Variants in ROBO2 observed in about 807,000 individuals in gnomAD.
ROBO2 encodes the protein roundabout guidance receptor 2, also known as roundabout homolog 2.
ROBO2 carries 53 observed loss-of-function variants against 160.8 expected under a neutral mutation model. That is an observed-to-expected ratio of 0.33 (90% CI 0.26 to 0.41). The LOEUF is 0.41. Ranked by LOEUF, ROBO2 falls within the 10% of genes least tolerant of loss-of-function variation. The probability of loss-of-function intolerance (pLI) is 1.00; values close to 1 mark genes in which losing one functional copy is unlikely to be tolerated. For synonymous variants in ROBO2, 664 were observed against 611.7 expected (o/e 1.09, Z -1.26); for missense variants, 1,577 against 1,722.4 (o/e 0.92, Z 1.49).
chr3:77,196,548 T>G (rs1053559553), intron 2 of ROBO2, among the ~76,000 whole-genome samples: 1 of 152,112 alleles, frequency 6.6e-6, no homozygotes, highest in East Asian at 1.9e-4. Flanking sequence ...TATGTTTTGC[T>G]CTTTTATACT....
At chr3:77,009,271 A>C (rs1024032838) in intron 2 of ROBO2, among the ~76,000 whole-genome samples, 2 of 152,206 alleles carry the variant, frequency 1.3e-5, no homozygotes, top group Non-Finnish European at 2.9e-5. Flanking sequence ...AACTTACTGA[A>C]ATACTGAGAA....
chr3:77,589,126 G>GTT (rs1156761211), intron 17 of ROBO2, among the ~76,000 whole-genome samples, 193 bp downstream of exon 18: 1 of 152,082 alleles, frequency 6.6e-6, no homozygotes, highest in African/African-American at 2.4e-5. Context: ...AAGGCAGTCT[G>GTT]TTTGCTTGTA....
chr3:76,841,796 T>C (rs1355405643), intron 2 of ROBO2, among the ~76,000 whole-genome samples: 1 of 152,110 alleles, frequency 6.6e-6, no homozygotes, highest in Non-Finnish European at 1.5e-5. Context: ...AATATTCTCT[T>C]AAGGAGAATT....
intron 2 of ROBO2, among the ~76,000 whole-genome samples, chr3:77,464,966 G>T (rs1369191143): frequency 2.0e-5 from 3 of 152,130 alleles, no homozygotes; most frequent in African/African-American, 4.8e-5. Context: ...TATAACATTT[G>T]AGTATTTAGT....
At chr3:77,275,684 T>A (rs1361114543) in intron 2 of ROBO2, among the ~76,000 whole-genome samples, 1 of 152,164 alleles carries the variant, frequency 6.6e-6, no homozygotes, top group Non-Finnish European at 1.5e-5. Flanking sequence ...AGTTGCAGTA[T>A]CCAAATTGTG....
chr3:75,950,590 A>G (rs1948497623), intron 2 of ROBO2, among the ~76,000 whole-genome samples: 4 of 151,632 alleles, frequency 2.6e-5, no homozygotes, highest in Admixed American at 2.6e-4. Context: ...TGAGTACAGC[A>G]GGTCTTTGAA....
intron 9 of ROBO2, among the ~76,000 whole-genome samples, chr3:77,558,489 C>G (rs1345635905): frequency 6.6e-6 from 1 of 152,032 alleles, no homozygotes; most frequent in Non-Finnish European, 1.5e-5. Context: ...TTCTGATTTA[C>G]TTTCATTCGC....
intron 2 of ROBO2, among the ~76,000 whole-genome samples, chr3:76,313,817 A>G (rs1039222058): frequency 2.6e-5 from 4 of 152,032 alleles, no homozygotes; most frequent in African/African-American, 9.7e-5. Flanking sequence ...GTCAACCTCC[A>G]TATGGCAACC....
intron 2 of ROBO2, among the ~76,000 whole-genome samples, chr3:76,502,484 C>T (rs1429718853): frequency 1.3e-5 from 2 of 152,180 alleles, no homozygotes; most frequent in South Asian, 2.1e-4. Context: ...AAGTGCTCCA[C>T]TGATATAAAT....
At position 76,188,781 on chromosome 3, in the gene ROBO2, A is replaced by T. The variant is rs532244802; in HGVS notation, c.109+251179A>T. On this transcript the variant is annotated intron_variant, in intron 2 of 26. Coordinates refer to the ROBO2 transcript ENST00000487694. ...GTGGTTTCCTTTTCTGCAGTCAAGG[A>T]CCAAGCTTTCCATGTTCACACTCAT... is the stretch of plus-strand genomic sequence containing the variant. Among the ~76,000 whole-genome samples the T allele has an allele frequency of 7.6e-4, 116 of 152,214 alleles. 1 individual carries two copies. The Middle Eastern group carries it at 0.017, about 22-fold the overall frequency.
rs932877503 is a variant in ROBO2 at position 76,757,532 on chromosome 3, G to A, written c.110-340482G>A. The stretch of plus-strand genomic sequence containing the variant: ...GCCCTGACCTGACTTGGACTTCTCA[G>A]AAATATCACAGTGTTAAGAATAATC... On this transcript the variant is annotated intron_variant, in intron 2 of 26. Transcript: ENST00000487694. 3.3e-5 allele frequency among the ~76,000 whole-genome samples: 5 copies of A among 151,762 alleles called. No individual in the cohort carries two copies. The South Asian group carries it at 1.0e-3, about 31-fold the overall frequency.
intron 2 of ROBO2, among the ~76,000 whole-genome samples, chr3:76,800,029 A>G (rs2064078491): frequency 1.3e-5 from 2 of 152,180 alleles, no homozygotes; most frequent in African/African-American, 2.4e-5. Flanking sequence ...AGACACAAAG[A>G]CCAACGAAAC....
intron 21 of ROBO2, among the ~76,000 whole-genome samples, chr3:77,609,897 T>A (rs966406931): frequency 8.7e-5 from 13 of 150,198 alleles, no homozygotes; most frequent in African/African-American, 3.2e-4. Context: ...AAGTTATCAT[T>A]CTTACTAAAA....
chr3:76,647,469 G>A (rs1253917211), intron 2 of ROBO2, among the ~76,000 whole-genome samples: 1 of 152,080 alleles, frequency 6.6e-6, no homozygotes, highest in African/African-American at 2.4e-5. Flanking sequence ...GTTGTGCCTG[G>A]GCTGAGAAAC....
At chr3:76,818,684 A>G (rs1034131603) in intron 2 of ROBO2, among the ~76,000 whole-genome samples, 5 of 151,992 alleles carry the variant, frequency 3.3e-5, no homozygotes, top group African/African-American at 9.7e-5. Flanking sequence ...TGGCTTGACA[A>G]TTATCCAGGC....
intron 2 of ROBO2, among the ~76,000 whole-genome samples, chr3:76,276,353 A>C (rs1205006362): frequency 6.6e-6 from 1 of 152,058 alleles, no homozygotes; most frequent in Non-Finnish European, 1.5e-5. Flanking sequence ...ACTAATGAAA[A>C]TTGAGAATTC....
At chr3:77,432,435 C>T (rs2078867487) in intron 2 of ROBO2, among the ~76,000 whole-genome samples, 1 of 152,102 alleles carries the variant, frequency 6.6e-6, no homozygotes, top group African/African-American at 2.4e-5. Flanking sequence ...TAGTTACCTC[C>T]ACACCAGTCT....
intron 7 of ROBO2, among the ~76,000 whole-genome samples, chr3:77,547,352 G>A (rs2092737606): frequency 6.6e-6 from 1 of 152,016 alleles, no homozygotes; most frequent in Non-Finnish European, 1.5e-5. Context: ...ATATTCTGAG[G>A]AAGAGACCTA....
At chr3:77,173,503 A>G (rs1296105617) in intron 2 of ROBO2, among the ~76,000 whole-genome samples, 1 of 152,034 alleles carries the variant, frequency 6.6e-6, no homozygotes, top group Non-Finnish European at 1.5e-5. Context: ...TCAGATTGAG[A>G]GTCTGAAAGT....
Sources: gnomAD v4.1 joint callset for allele counts (sites outside exome capture counted in the v4.1 genomes callset) on GRCh38, gnomAD v4.1.1 for gene constraint, MANE v1.5 for transcripts, NCBI Gene and HGNC (gene_info 2026-07-23, HGNC 2026-07-21) for gene names.